Variants in CNTN5 observed in about 807,000 individuals in gnomAD.
The protein encoded by CNTN5 is contactin 5, also known as contactin-5.
In CNTN5, 77 loss-of-function variants were observed where a neutral mutation model predicts 129.1. The ratio of observed to expected loss-of-function variants is 0.60; its 90% CI spans 0.50 to 0.72. CNTN5 has a LOEUF of 0.72. Among genes scored for constraint, CNTN5 ranks in the 30% least tolerant of loss-of-function variants. The pLI is 0.00. For missense variants in CNTN5, 1,478 were observed against 1,328.8 expected (o/e 1.11, Z -1.75); for synonymous variants, 509 against 465.6 (o/e 1.09, Z -1.20).
At chr11:99,780,432 C>T (rs1025281541) in intron 3 of CNTN5, among the ~76,000 whole-genome samples, 9 of 151,968 alleles carry the variant, frequency 5.9e-5, no homozygotes, top group South Asian at 2.1e-4. Flanking sequence ...GACATTATAA[C>T]GACACTTTAA....
intron 2 of CNTN5, among the ~76,000 whole-genome samples, chr11:99,377,467 T>C (rs1940254389): frequency 6.6e-6 from 1 of 152,122 alleles, no homozygotes; most frequent in Admixed American, 6.6e-5. Flanking sequence ...ATATTGTTTG[T>C]ATTGTCCTAT....
At chr11:100,118,190 TA>T (rs1945901820) in intron 13 of CNTN5, among the ~76,000 whole-genome samples, 1 of 151,894 alleles carries the variant, frequency 6.6e-6, no homozygotes, top group Non-Finnish European at 1.5e-5. Context: ...CATGTGCTTT[TA>T]AAATAACCAC....
In CNTN5 at chr11:99,785,108, C is replaced by T. The variant is rs561856221; in HGVS notation, c.56-34436C>T. On this transcript the variant is annotated intron_variant, in intron 3 of 24. Transcript: ENST00000524871. Reference sequence around the variant, plus strand: ...TGCTGGGATTACAGGCGTGAGCCACCGCACCCTGCCCTTATTGTGGTTTTG... The same window carrying T: ...TGCTGGGATTACAGGCGTGAGCCACTGCACCCTGCCCTTATTGTGGTTTTG... Among the ~76,000 whole-genome samples, 35 of 152,090 alleles carry T rather than the reference C, an allele frequency of 2.3e-4. No homozygotes were observed. In the East Asian group the frequency reaches 2.5e-3, roughly 11 times the overall value.
At chr11:100,016,018 G>C (rs1452513874) in intron 9 of CNTN5, among the ~76,000 whole-genome samples, 1 of 151,910 alleles carries the variant, frequency 6.6e-6, no homozygotes, top group Non-Finnish European at 1.5e-5. Flanking sequence ...TTTGTTTTTA[G>C]TATCCCTTGC....
In CNTN5 at chr11:99,744,543, TAAA is replaced by T. The variant is rs553540845; in HGVS notation, c.56-74973_56-74971del. On this transcript the variant is annotated intron_variant, in intron 3 of 24. Transcript: ENST00000524871. Reference sequence around the variant, plus strand: ...GCAAAACCCCGTCTCTACAAAAAGTTAAAAAAAAAAAAAAAAAAAAAAAAAAAA... The same window carrying T: ...GCAAAACCCCGTCTCTACAAAAAGTTAAAAAAAAAAAAAAAAAAAAAAAAA... Among the ~76,000 whole-genome samples, 264 of 37,490 alleles carry T rather than the reference TAAA, an allele frequency of 7.0e-3. 5 individuals carry two copies. Among genetic ancestry groups the T allele is most frequent in the African/African-American group, 0.02 (187 of 9,238 alleles). 24.6% of individuals were successfully genotyped at this position (37,490 alleles called of 152,430 possible).
In CNTN5 at chr11:99,021,284, A is replaced by C. The variant is rs1862859990; in HGVS notation, c.-210+14A>C. 6.6e-6 allele frequency: 1 copy of C among 152,280 alleles called. No individual in the cohort carries two copies. The allele number at this position is 152,280 out of a possible 1,614,324, so 9.4% of individuals were successfully genotyped here. A position where few individuals can be genotyped will look rare whatever the true frequency, so the allele number is the denominator to read the frequency against. ...GGCATCTTATTGGTAAGTGGCTGAC[A>C]TTCCTTTGCCAGTGACTGCGTTCTG... On this transcript the variant is annotated intron_variant, in intron 1 of 24. Coordinates refer to ENST00000524871, the MANE Select transcript of CNTN5 (RefSeq NM_014361.4).
chr11:99,152,244 T>A (rs537750431), intron 1 of CNTN5, among the ~76,000 whole-genome samples: 2 of 152,328 alleles, frequency 1.3e-5, no homozygotes, highest in Non-Finnish European at 2.9e-5. Flanking sequence ...GATTCACCAA[T>A]TTTCTGTTTA....
At chr11:99,307,053 C>G (rs1864909810) in intron 1 of CNTN5, among the ~76,000 whole-genome samples, 1 of 152,052 alleles carries the variant, frequency 6.6e-6, no homozygotes, top group Admixed American at 6.6e-5. Context: ...AATAAGTATA[C>G]AGATTCGTTT....
At chr11:99,184,754 T>G (rs1443115696) in intron 1 of CNTN5, among the ~76,000 whole-genome samples, 1 of 152,074 alleles carries the variant, frequency 6.6e-6, no homozygotes, top group Non-Finnish European at 1.5e-5. Context: ...TTTGTGTGTG[T>G]AATGATGGAA....
intron 9 of CNTN5, among the ~76,000 whole-genome samples, chr11:100,011,916 C>T (rs569035942): frequency 1.1e-4 from 16 of 152,090 alleles, no homozygotes; most frequent in Non-Finnish European, 2.1e-4. Context: ...CAGTGTGCAA[C>T]TGGCAAACGT....
intron 15 of CNTN5, among the ~76,000 whole-genome samples, chr11:100,219,738 A>G (rs989022571): frequency 6.6e-6 from 1 of 152,200 alleles, no homozygotes; most frequent in Admixed American, 6.5e-5. Context: ...TATGTTTAAT[A>G]CTTCATCATA....
intron 3 of CNTN5, among the ~76,000 whole-genome samples, chr11:99,797,352 A>C (rs1945976583): frequency 6.6e-6 from 1 of 152,130 alleles, no homozygotes; most frequent in Admixed American, 6.6e-5. Flanking sequence ...TGGCTGAGCA[A>C]ATTTACATAC....
chr11:99,918,697 A>G (rs1410291733), intron 7 of CNTN5, among the ~76,000 whole-genome samples: 2 of 152,198 alleles, frequency 1.3e-5, no homozygotes, highest in African/African-American at 4.8e-5. Flanking sequence ...AGTGTACTAT[A>G]GTAGAGTATA....
intron 3 of CNTN5, among the ~76,000 whole-genome samples, chr11:99,783,593 G>A (rs1227594938): frequency 1.7e-5 from 2 of 116,254 alleles, no homozygotes; most frequent in Non-Finnish European, 3.6e-5. Context: ...ATGATAGACT[G>A]GATTAAGAAA....
intron 6 of CNTN5, among the ~76,000 whole-genome samples, chr11:99,897,421 G>A (rs1351466316): frequency 6.6e-6 from 1 of 151,926 alleles, no homozygotes; most frequent in Non-Finnish European, 1.5e-5. Context: ...CATCTACAAA[G>A]GAAAACCAAT....
At chr11:99,525,692 T>C (rs1947457835) in intron 2 of CNTN5, among the ~76,000 whole-genome samples, 1 of 152,220 alleles carries the variant, frequency 6.6e-6, no homozygotes, top group African/African-American at 2.4e-5. Flanking sequence ...TAGGTCCACT[T>C]TAAGAAAGCA....
At chr11:99,791,437 A>G (rs530452701) in intron 3 of CNTN5, among the ~76,000 whole-genome samples, 2 of 152,210 alleles carry the variant, frequency 1.3e-5, no homozygotes, top group East Asian at 1.9e-4. Context: ...TACTGTGTCA[A>G]AGAGCAGATG....
chr11:100,251,851 G>A (rs918747539), intron 16 of CNTN5, among the ~76,000 whole-genome samples: 2 of 151,930 alleles, frequency 1.3e-5, no homozygotes, highest in African/African-American at 4.8e-5. Context: ...CCATATCTTG[G>A]CTATTGTGAA....
intron 24 of CNTN5, among the ~76,000 whole-genome samples, chr11:100,354,810 A>C (rs1952487574): frequency 6.6e-6 from 1 of 151,654 alleles, no homozygotes; most frequent in African/African-American, 2.4e-5. Context: ...ATTGTAACAC[A>C]GTGCTATTTG....
Sources: gnomAD v4.1 joint callset for allele counts (sites outside exome capture counted in the v4.1 genomes callset) on GRCh38, gnomAD v4.1.1 for gene constraint, MANE v1.5 for transcripts, NCBI Gene and HGNC (gene_info 2026-07-23, HGNC 2026-07-21) for gene names.